Variants in CHRM3 observed in about 807,000 individuals in gnomAD.
The protein encoded by CHRM3 is cholinergic receptor muscarinic 3.
Under a neutral mutation model 41.8 loss-of-function variants are expected in CHRM3, and 11 were observed. The ratio of observed to expected loss-of-function variants is 0.26; its 90% CI spans 0.17 to 0.44. The LOEUF is 0.44. Ranked by LOEUF, CHRM3 falls within the 20% of genes least tolerant of loss-of-function variation. The pLI is 1.00. For missense variants in CHRM3, 571 were observed against 745.4 expected, an observed-to-expected ratio of 0.77 and a Z score of 2.72; for synonymous variants, 297 against 301.4, an observed-to-expected ratio of 0.99 and a Z score of 0.15.
At chr1:239,459,118 G>A (rs1357634795) in intron 1 of CHRM3, among the ~76,000 whole-genome samples, 1 of 152,110 alleles carries the variant, frequency 6.6e-6, no homozygotes, top group South Asian at 2.1e-4. Context: ...GTGGACAGGG[G>A]ATTTTGTAAC....
intron 1 of CHRM3, among the ~76,000 whole-genome samples, chr1:239,404,427 A>AAAG (rs1660367887): frequency 9.2e-6 from 1 of 108,242 alleles, no homozygotes; most frequent in Non-Finnish European, 1.9e-5. Flanking sequence ...AGAAAGAAAG[A>AAAG]AAGAAAGAAA....
At chr1:239,634,650 A>T (rs941972612) in intron 4 of CHRM3, among the ~76,000 whole-genome samples, 2 of 152,118 alleles carry the variant, frequency 1.3e-5, no homozygotes, top group African/African-American at 4.8e-5. Flanking sequence ...TCCGCCTAAC[A>T]ATCTTCATTA....
intron 4 of CHRM3, among the ~76,000 whole-genome samples, chr1:239,667,012 T>C (rs1673873292): frequency 6.6e-6 from 1 of 152,184 alleles, no homozygotes; most frequent in Non-Finnish European, 1.5e-5. Context: ...TTCTTTTTTA[T>C]GGCTGCGTGA....
chr1:239,529,058 C>A (rs993184898), intron 2 of CHRM3, among the ~76,000 whole-genome samples: 2 of 152,128 alleles, frequency 1.3e-5, no homozygotes, highest in Non-Finnish European at 2.9e-5. Flanking sequence ...CCTTCATAAT[C>A]CACAGATGTT....
At chr1:239,864,559 CATATACAT>C (rs1433032837) in intron 6 of CHRM3, among the ~76,000 whole-genome samples, 3 of 141,636 alleles carry the variant, frequency 2.1e-5, no homozygotes, top group Admixed American at 6.8e-5. Flanking sequence ...CACACACACA[CATATACAT>C]ATATACATAT....
chr1:239,786,193 A>C (rs1558121299), intron 5 of CHRM3, among the ~76,000 whole-genome samples: 1 of 152,162 alleles, frequency 6.6e-6, no homozygotes, highest in Non-Finnish European at 1.5e-5. Context: ...ACTTTAGTCA[A>C]GATGCAGTCT....
At chr1:239,480,439 T>A (rs560756355) in intron 1 of CHRM3, among the ~76,000 whole-genome samples, 1 of 152,000 alleles carries the variant, frequency 6.6e-6, no homozygotes, top group Non-Finnish European at 1.5e-5. Context: ...CTTAATGAAG[T>A]CCTGGAAAAA....
chr1:239,665,068 C>A (rs1047413408), intron 4 of CHRM3, among the ~76,000 whole-genome samples: 2 of 151,644 alleles, frequency 1.3e-5, no homozygotes, highest in Admixed American at 6.6e-5. Context: ...TGGTCCCTTC[C>A]ACGACTATAT....
At chr1:239,517,611 GTCAAAAGTATCTT>G (rs1172855648) in intron 2 of CHRM3, among the ~76,000 whole-genome samples, 3 of 152,136 alleles carry the variant, frequency 2.0e-5, no homozygotes, top group African/African-American at 7.2e-5. Flanking sequence ...TGGTAGCCAG[GTCAAAAGTATCTT>G]TCAGACATTC....
intron 3 of CHRM3, among the ~76,000 whole-genome samples, chr1:239,580,704 T>TATATATATATATATATATATACATAC (rs570878631): frequency 8.9e-4 from 116 of 131,034 alleles, no homozygotes; most frequent in South Asian, 1.7e-3. Flanking sequence ...TATATATATA[T>TATATATATATATATATATATACATAC]ACACACACAC....
intron 6 of CHRM3, among the ~76,000 whole-genome samples, chr1:239,854,703 A>C (rs765038686): frequency 4.6e-5 from 7 of 152,152 alleles, no homozygotes; most frequent in Admixed American, 2.0e-4. Flanking sequence ...AAATACACTT[A>C]CAAAAGTTTT....
intron 5 of CHRM3, among the ~76,000 whole-genome samples, chr1:239,814,251 G>T (rs912092930): frequency 6.6e-6 from 1 of 151,978 alleles, no homozygotes; most frequent in Admixed American, 6.6e-5. Flanking sequence ...AAATTCATGC[G>T]CATTACCTAG....
intron 5 of CHRM3, among the ~76,000 whole-genome samples, chr1:239,688,566 TATG>T (rs1214970638): frequency 2.2e-5 from 3 of 136,406 alleles, no homozygotes; most frequent in African/African-American, 5.4e-5. Flanking sequence ...ACATATATTA[TATG>T]ATATTATATA....
intron 5 of CHRM3, among the ~76,000 whole-genome samples, chr1:239,771,777 C>A (rs1667695404): frequency 6.6e-6 from 1 of 152,216 alleles, no homozygotes; most frequent in African/African-American, 2.4e-5. Context: ...TTCCAGACAG[C>A]ATGCCACATT....
At chr1:239,804,864 C>G (rs1670508106) in intron 5 of CHRM3, among the ~76,000 whole-genome samples, 1 of 152,194 alleles carries the variant, frequency 6.6e-6, no homozygotes, top group Admixed American at 6.5e-5. Context: ...CCGGCTGTGT[C>G]TTGTGCCAGC....
intron 5 of CHRM3, among the ~76,000 whole-genome samples, 162 bp downstream of exon 5, chr1:239,678,450 G>A (rs940710207): frequency 1.3e-5 from 2 of 152,078 alleles, no homozygotes; most frequent in Non-Finnish European, 2.9e-5. Context: ...TTTATATTTT[G>A]GCATCCACAA....
rs534708429 is a variant in CHRM3, at chr1:239,476,287, G to A, written c.-520-16422G>A. On this transcript the variant is annotated intron_variant, in intron 1 of 6. Transcript: ENST00000676153. ...TCGAAACCAGTCTTGCCAACGTGGC[G>A]AAACCCCGTCTCTACTAAAGATACA... is the stretch of plus-strand genomic sequence containing the variant. Among the ~76,000 whole-genome samples, 44 of 152,114 alleles carry A rather than the reference G, an allele frequency of 2.9e-4. No individual in the cohort carries two copies. The South Asian group carries it at 3.9e-3, about 14-fold the overall frequency.
Position 239,858,031 on chromosome 1 carries a change from A to G in CHRM3, c.-20+30653A>G, listed in dbSNP as rs1277512268. 2.2e-4 allele frequency among the ~76,000 whole-genome samples: 34 copies of G among 152,226 alleles called. 1 individual carries two copies. The highest frequency in any genetic ancestry group is 2.9e-5 in the Non-Finnish European group (2 of 68,032). ...TAGTTCATACTTTAATAACATGGCTATAAATGTGTATGTGGTTCCTACTGT... is the reference window on the plus strand; with the variant it reads ...TAGTTCATACTTTAATAACATGGCTGTAAATGTGTATGTGGTTCCTACTGT... On this transcript the variant is annotated intron_variant, in intron 6 of 6. Transcript: ENST00000676153.
chr1:239,784,668 A>C (rs559889277), intron 5 of CHRM3, among the ~76,000 whole-genome samples: 4 of 152,332 alleles, frequency 2.6e-5, no homozygotes, highest in African/African-American at 9.6e-5. Flanking sequence ...AAATACAAAA[A>C]TAGAAGTTTT....
Sources: gnomAD v4.1 joint callset for allele counts (sites outside exome capture counted in the v4.1 genomes callset) on GRCh38, gnomAD v4.1.1 for gene constraint, MANE v1.5 for transcripts, NCBI Gene and HGNC (gene_info 2026-07-23, HGNC 2026-07-21) for gene names.